Variants in ATP10A observed in about 807,000 individuals in gnomAD.
ATP10A encodes ATPase phospholipid transporting 10A (putative), also known as phospholipid-transporting ATPase VA.
Under a neutral mutation model 147.8 loss-of-function variants are expected in ATP10A, and 111 were observed. That is an observed-to-expected ratio of 0.75 (90% CI 0.64 to 0.88). The LOEUF (loss-of-function observed/expected upper bound fraction) is 0.88, where lower values mean the gene tolerates loss of function less well. Ranked by LOEUF, ATP10A falls within the 40% of genes least tolerant of loss-of-function variation. The probability of loss-of-function intolerance (pLI) is 0.00; values close to 1 mark genes in which losing one functional copy is unlikely to be tolerated. For synonymous variants in ATP10A, 875 were observed against 841.6 expected (o/e 1.04, Z -0.69); for missense variants, 1,927 against 1,959.0 (o/e 0.98, Z 0.31).
At chr15:25,692,591 T>C (rs1450372559) in intron 14 of ATP10A, among the ~76,000 whole-genome samples, 7 of 152,202 alleles carry the variant, frequency 4.6e-5, no homozygotes, top group African/African-American at 1.7e-4. Context: ...TTCTTTATAA[T>C]GTTGAGACCA....
At position 25,736,076 on chromosome 15, in the gene ATP10A, C is replaced by G. The variant is rs75541743; in HGVS notation, c.720G>C (p.Leu240=). The G allele has an allele frequency of 0.023, 37,720 of 1,613,688 alleles. 507 individuals carry two copies. Among genetic ancestry groups the G allele is most frequent in the Middle Eastern group, 0.057 (326 of 5,750 alleles). The change falls in exon 3 of 21, where the codon CTG becomes CTC. Residue 240 remains leucine (L), a synonymous_variant. Transcript: ENST00000555815. ...VIECEKPNND[L]SRFRGCIIHD... is the part of the protein sequence containing the mutation. The stretch of plus-strand genomic sequence containing the variant: ...CTCACATGCAGCCGCGAAACCTACT[C>G]AGGTCGTTGTTTGGCTTCTCGCATT...
chr15:25,687,814 G>T lies in ATP10A; in HGVS notation c.3180C>A (p.Ser1060Arg). The T allele has an allele frequency of 6.2e-7, 1 of 1,613,878 alleles. No homozygotes were observed. Among genetic ancestry groups the T allele is most frequent in the East Asian group, 2.2e-5 (1 of 44,804 alleles). Residue 1060 changes from serine to arginine, a missense_variant, in exon 16 of 21, where the codon AGC becomes AGA. Physicochemically the swap from Ser to Arg is moderately radical, Grantham distance 110 (BLOSUM62 -1). Transcript: ENST00000555815. ...ATCGGAATTTCGGCACTGCAAAGTCGCTGGCCATCACTGCCTTCAAAGGGA... is the reference window on the plus strand; with the variant it reads ...ATCGGAATTTCGGCACTGCAAAGTCTCTGGCCATCACTGCCTTCAAAGGGA... Reference protein sequence around the residue: ...GQEGMQAVMASDFAVPKFRYL... With the variant: ...GQEGMQAVMARDFAVPKFRYL...
intron 14 of ATP10A, among the ~76,000 whole-genome samples, chr15:25,694,372 C>A (rs942703786): frequency 2.0e-5 from 3 of 152,250 alleles, no homozygotes; most frequent in South Asian, 4.1e-4. Context: ...ATTCTGGTCA[C>A]CAAGCCTCTG....
intron 1 of ATP10A, among the ~76,000 whole-genome samples, chr15:25,792,060 C>A (rs574512586): frequency 1.3e-5 from 2 of 152,156 alleles, no homozygotes; most frequent in Admixed American, 1.3e-4. Context: ...TCTGTTACGA[C>A]CTGAGCATCC....
At chr15:25,839,722 T>G (rs911531803) in intron 1 of ATP10A, among the ~76,000 whole-genome samples, 1 of 152,160 alleles carries the variant, frequency 6.6e-6, no homozygotes, top group Non-Finnish European at 1.5e-5. Context: ...AATGGTCATA[T>G]TTTAAGCTTT....
chr15:25,848,857 T>C (rs1313826163), intron 1 of ATP10A: 1 of 153,598 alleles, frequency 6.5e-6, no homozygotes, highest in Non-Finnish European at 1.5e-5. Flanking sequence ...GGGCAGTAGC[T>C]CCAGGGATGT....
chr15:25,752,986 A>T (rs966990672), intron 2 of ATP10A, among the ~76,000 whole-genome samples: 1 of 152,074 alleles, frequency 6.6e-6, no homozygotes, highest in Non-Finnish European at 1.5e-5. Context: ...TAATTGTATA[A>T]ATTTATGGGG....
chr15:25,705,454 C>CAAA (rs367718474), intron 12 of ATP10A, among the ~76,000 whole-genome samples: 5 of 82,002 alleles, frequency 6.1e-5, no homozygotes, highest in East Asian at 3.1e-4. Context: ...AAAAAAAAAA[C>CAAA]AAAAAAAAAA....
intron 14 of ATP10A, among the ~76,000 whole-genome samples, chr15:25,692,074 C>G (rs999292133): frequency 1.3e-5 from 2 of 152,164 alleles, no homozygotes; most frequent in Admixed American, 6.5e-5. Context: ...GTAAAACCCT[C>G]ATCCTGCTGT....
intron 8 of ATP10A, among the ~76,000 whole-genome samples, chr15:25,717,728 T>G (rs1330494500): frequency 4.0e-4 from 1 of 2,504 alleles, no homozygotes; most frequent in African/African-American, 5.5e-4. Flanking sequence ...TTTCAGAGGT[T>G]ATTGCTCACT....
intron 2 of ATP10A, among the ~76,000 whole-genome samples, chr15:25,749,645 A>G (rs374752855): frequency 9.8e-5 from 15 of 152,336 alleles, no homozygotes; most frequent in African/African-American, 3.4e-4. Flanking sequence ...AACTAGGCCC[A>G]TAATAAAGAG....
At position 25,781,181 on chromosome 15, in the gene ATP10A, G is replaced by C. The variant is rs141087427; in HGVS notation, c.492C>G (p.His164Gln). The change falls in exon 2 of 21, where the codon CAC becomes CAG. Residue 164 changes from histidine to glutamine, a missense_variant. Transcript: ENST00000555815. ...KYVNRFWKEI[H>Q]VGDFVRLRCN... ...AGCGAAGACGCACAAAGTCTCCCAC[G>C]TGGATTTCTTTCCAGAATCGGTTCA... is the stretch of plus-strand genomic sequence containing the variant. The C allele has an allele frequency of 6.2e-7, 1 of 1,614,168 alleles. No homozygotes were observed. The highest frequency in any genetic ancestry group is 1.1e-5 in the South Asian group (1 of 91,080).
intron 14 of ATP10A, among the ~76,000 whole-genome samples, chr15:25,694,288 G>A (rs962535558): frequency 1.3e-5 from 2 of 152,250 alleles, no homozygotes; most frequent in Non-Finnish European, 2.9e-5. Flanking sequence ...GCAGTGATGC[G>A]TATCTGATGA....
At position 25,679,435 on chromosome 15, in the gene ATP10A, C is replaced by T. The variant is rs114768815; in HGVS notation, c.4406G>A (p.Arg1469His). 1.8e-4 allele frequency: 297 copies of T among 1,613,984 alleles called. No homozygotes were observed. In the East Asian group the frequency reaches 6.0e-3, roughly 32 times the overall value. Residue 1469 changes from arginine to histidine, a missense_variant, in exon 21 of 21, where the codon CGT becomes CAT. Transcript: ENST00000555815. Reference sequence around the variant, plus strand: ...TGAGTGGGGCTGGACAGGAAGTCCACGTCCCGCTTGTCCATCTGCAAGCTG... The same window carrying T: ...TGAGTGGGGCTGGACAGGAAGTCCATGTCCCGCTTGTCCATCTGCAAGCTG... ...TEQLADGQAG[R>H]GLPVQPHSGR...
chr15:25,770,231 T>A (rs1181232131), intron 2 of ATP10A, among the ~76,000 whole-genome samples: 2 of 151,700 alleles, frequency 1.3e-5, no homozygotes, highest in Non-Finnish European at 2.9e-5. Context: ...GCCCCACCCA[T>A]GTTTTCAGCC....
intron 9 of ATP10A, among the ~76,000 whole-genome samples, chr15:25,715,592 G>A (rs371258799): frequency 6.6e-6 from 1 of 152,368 alleles, no homozygotes; most frequent in African/African-American, 2.4e-5. Flanking sequence ...GAGGCCAGAT[G>A]GGAGATGCTG....
chr15:25,821,058 TA>T (rs1891857349), intron 1 of ATP10A, among the ~76,000 whole-genome samples: 1 of 152,346 alleles, frequency 6.6e-6, no homozygotes, highest in African/African-American at 2.4e-5. Flanking sequence ...CTTTTTAATT[TA>T]AAAAACCTTA....
chr15:25,717,062 A>G (rs35256367), intron 8 of ATP10A, 138 bp from the exon 9 acceptor site: 16,243 of 534,144 alleles, frequency 0.03, 335 homozygotes, highest in Non-Finnish European at 0.038. Flanking sequence ...ATGTCATTTT[A>G]TAATTGTAAA....
chr15:25,756,654 A>T (rs1888430239), intron 2 of ATP10A, among the ~76,000 whole-genome samples: 1 of 149,846 alleles, frequency 6.7e-6, no homozygotes, highest in Non-Finnish European at 1.5e-5. Flanking sequence ...AATAAAAAAA[A>T]AGAAAGAAAG....
Sources: allele counts gnomAD v4.1 joint callset (sites outside exome capture counted in the v4.1 genomes callset), GRCh38; gene constraint gnomAD v4.1.1; transcripts MANE v1.5; gene names NCBI Gene and HGNC (gene_info 2026-07-23, HGNC 2026-07-21).